Variants in ATG16L1 observed in about 807,000 individuals in gnomAD.
ATG16L1 encodes autophagy-related protein 16-1.
In ATG16L1, 37 loss-of-function variants were observed where a neutral mutation model predicts 88.5. That is an observed-to-expected ratio of 0.42 (90% CI 0.32 to 0.55). The LOEUF (loss-of-function observed/expected upper bound fraction) is 0.55, where lower values mean the gene tolerates loss of function less well. Among genes scored for constraint, ATG16L1 ranks in the 20% least tolerant of loss-of-function variants. The pLI is 0.13. For missense variants in ATG16L1, 554 were observed against 752.8 expected, an observed-to-expected ratio of 0.74 and a Z score of 3.09; for synonymous variants, 301 against 281.0, an observed-to-expected ratio of 1.07 and a Z score of -0.71.
At chr2:233,269,252 C>T (rs1426080405) in intron 5 of ATG16L1, among the ~76,000 whole-genome samples, 1 of 152,104 alleles carries the variant, frequency 6.6e-6, no homozygotes, top group African/African-American at 2.4e-5. Flanking sequence ...ATGATATTTA[C>T]CTCAAAAGGT....
rs1328906574 is a variant in ATG16L1, at chr2:233,294,839, A to G, written c.*489A>G. On this transcript the variant is annotated 3_prime_UTR_variant, in exon 18 of 18. Transcript: ENST00000392017. ...ATTAACGGAAACTCCCGAACTACAG[A>G]CCCCTCCCTGGTGGGTTGCATGAAT... The G allele has an allele frequency of 6.6e-6, 1 of 152,486 alleles. No individual in the cohort carries two copies. Among genetic ancestry groups the G allele is most frequent in the African/African-American group, 2.4e-5 (1 of 41,260 alleles). 9.4% of individuals were successfully genotyped at this position (152,486 alleles called of 1,614,324 possible). A position where few individuals can be genotyped will look rare whatever the true frequency, so the allele number is the denominator to read the frequency against.
At chr2:233,274,992 G>A (rs770396600) in intron 9 of ATG16L1, among the ~76,000 whole-genome samples, 2 of 152,230 alleles carry the variant, frequency 1.3e-5, no homozygotes, top group African/African-American at 4.8e-5. Context: ...TAATGGCAGA[G>A]CTGACTGAGA....
At position 233,294,352 on chromosome 2, in the gene ATG16L1, G is replaced by GCA; in HGVS notation, c.*2_*3insCA. 6.2e-7 allele frequency: 1 copy of GCA among 1,612,776 alleles called. No homozygotes were observed. The highest frequency in any genetic ancestry group is 8.5e-7 in the Non-Finnish European group (1 of 1,179,396). On this transcript the variant is annotated 3_prime_UTR_variant, in exon 18 of 18. Coordinates refer to ENST00000392017, the MANE Select transcript of ATG16L1 (RefSeq NM_030803.7). ...GCTGTGCTGTGGGCACAGTACTGACGGGGCTCTCAGGGCTGGGAGGACCCC... is the reference window on the plus strand; with the variant it reads ...GCTGTGCTGTGGGCACAGTACTGACGCAGGGCTCTCAGGGCTGGGAGGACCCC...
At position 233,274,317 on chromosome 2, in the gene ATG16L1, T is replaced by C. The variant is rs73998326; in HGVS notation, c.852-359T>C. 7.9e-3 allele frequency: 3,816 copies of C among 480,102 alleles called. 125 individuals carry two copies. The highest frequency in any genetic ancestry group is 0.065 in the African/African-American group (3,370 of 51,686). 29.7% of individuals were successfully genotyped at this position (480,102 alleles called of 1,614,324 possible). A position where few individuals can be genotyped will look rare whatever the true frequency, so the allele number is the denominator to read the frequency against. ...CTAACTAGGCATAGAAATAAAATAG[T>C]TTTGCAAAAAAGACCAAAGAGCTAC... On this transcript the variant is annotated intron_variant, in intron 8 of 17. Transcript: ENST00000392017.
chr2:233,273,191 A>T (rs1458179835), intron 7 of ATG16L1, 139 bp downstream of exon 7: 2 of 658,020 alleles, frequency 3.0e-6, no homozygotes, highest in Non-Finnish European at 2.7e-6. Context: ...CGAACACACC[A>T]CAGAGGTGTC....
intron 8 of ATG16L1, chr2:233,274,133 G>A: frequency 1.5e-6 from 2 of 1,319,586 alleles, no homozygotes; most frequent in Non-Finnish European, 2.1e-6. Context: ...GTCATCAGAT[G>A]TTCACGTGCT....
chr2:233,259,935 C>T (rs1240758708), intron 2 of ATG16L1, among the ~76,000 whole-genome samples: 1 of 152,172 alleles, frequency 6.6e-6, no homozygotes. Context: ...ACTCCTGTGA[C>T]CGTAGTGTGG....
Position 233,294,571 on chromosome 2 carries a change from G to A in ATG16L1, c.*221G>A, listed in dbSNP as rs762218122. ...TAACACTGAAAAAACCTGACGCTGC[G>A]GTCACTTAGCAGAGGCTCAGGTTCT... On this transcript the variant is annotated 3_prime_UTR_variant, in exon 18 of 18. Transcript: ENST00000392017. 7.7e-5 allele frequency: 32 copies of A among 413,950 alleles called. No homozygotes were observed. Among genetic ancestry groups the A allele is most frequent in the East Asian group, 6.1e-4 (15 of 24,620 alleles). The allele number at this position is 413,950 out of a possible 1,614,324, so 25.6% of individuals were successfully genotyped here.
At chr2:233,282,041 TA>T (rs1358066895) in intron 11 of ATG16L1, among the ~76,000 whole-genome samples, 5 of 152,164 alleles carry the variant, frequency 3.3e-5, no homozygotes. Context: ...TGGGGAATGA[TA>T]AGGAAATAAG....
intron 2 of ATG16L1, among the ~76,000 whole-genome samples, chr2:233,259,410 C>G (rs1174568750): frequency 6.6e-6 from 1 of 152,140 alleles, no homozygotes; most frequent in African/African-American, 2.4e-5. Flanking sequence ...GGGGTCTCAA[C>G]CAGCTTTAAT....
At chr2:233,288,874 C>A (rs1474019227) in intron 12 of ATG16L1, 1 of 519,214 alleles carries the variant, frequency 1.9e-6, no homozygotes, top group Non-Finnish European at 3.8e-6. Context: ...AGCTTAGTCA[C>A]AAAGGGATTT....
At chr2:233,264,218 T>C in intron 4 of ATG16L1, 153 bp downstream of exon 4, 1 of 658,518 alleles carries the variant, frequency 1.5e-6, no homozygotes, top group Admixed American at 2.8e-5. Context: ...TGGGATCCTT[T>C]TCTACCAGCT....
In ATG16L1 at chr2:233,285,916, T is replaced by C. The variant is rs186794354; in HGVS notation, c.1203+3163T>C. 9.8e-5 allele frequency among the ~76,000 whole-genome samples: 15 copies of C among 152,294 alleles called. No individual in the cohort carries two copies. In the East Asian group the frequency reaches 2.9e-3, roughly 29 times the overall value. On this transcript the variant is annotated intron_variant, in intron 12 of 17. Transcript: ENST00000392017. The stretch of plus-strand genomic sequence containing the variant: ...AGTGCTTGCTTTAACATCCTTTTTG[T>C]AAATGCACCCTAGAAACAACCTGGC...
intron 2 of ATG16L1, among the ~76,000 whole-genome samples, chr2:233,257,407 A>G (rs372007325): frequency 2.0e-5 from 3 of 152,140 alleles, no homozygotes; most frequent in Non-Finnish European, 4.4e-5. Context: ...TATCCATCCA[A>G]CCAGTCTGTT....
At chr2:233,263,795 C>T (rs1393714423) in intron 3 of ATG16L1, among the ~76,000 whole-genome samples, 197 bp from the exon 4 acceptor site, 2 of 152,230 alleles carry the variant, frequency 1.3e-5, no homozygotes, top group Admixed American at 6.5e-5. Context: ...ACCTGGAACA[C>T]TTCTCATTCC....
intron 14 of ATG16L1, among the ~76,000 whole-genome samples, chr2:233,290,699 C>G (rs779108824): frequency 2.6e-5 from 4 of 152,144 alleles, no homozygotes; most frequent in African/African-American, 7.2e-5. Context: ...ACGTTTGTTC[C>G]AGTGTGTTAA....
chr2:233,254,436 G>T (rs1696634890), intron 1 of ATG16L1, among the ~76,000 whole-genome samples: 1 of 152,136 alleles, frequency 6.6e-6, no homozygotes, highest in African/African-American at 2.4e-5. Context: ...TCCCAGGCCA[G>T]TCAAGCTCTG....
At chr2:233,289,376 G>GGTGTGTGT (rs757994844) in intron 12 of ATG16L1, among the ~76,000 whole-genome samples, 1 of 55,226 alleles carries the variant, frequency 1.8e-5, no homozygotes, top group Non-Finnish European at 4.6e-5. Flanking sequence ...TCCTGTTTGG[G>GGTGTGTGT]ATGTGTGTGT....
intron 6 of ATG16L1, among the ~76,000 whole-genome samples, chr2:233,272,111 A>C (rs1463121663): frequency 6.6e-6 from 1 of 152,230 alleles, no homozygotes. Context: ...TAGGTGATGA[A>C]ATCTTGGGTT....
Sources: allele counts gnomAD v4.1 joint callset (sites outside exome capture counted in the v4.1 genomes callset), GRCh38; gene constraint gnomAD v4.1.1; transcripts MANE v1.5; gene names NCBI Gene and HGNC (gene_info 2026-07-23, HGNC 2026-07-21).